The following MKLN1 variants were observed in gnomAD, a reference collection of about 807,000 sequenced individuals.
The protein encoded by MKLN1 is muskelin 1.
Under a neutral mutation model 99.0 loss-of-function variants are expected in MKLN1, and 18 were observed. That is an observed-to-expected ratio of 0.18 (90% CI 0.13 to 0.27). The LOEUF (loss-of-function observed/expected upper bound fraction) is 0.27. MKLN1 is among the 10% of genes least tolerant of loss of function. The probability of loss-of-function intolerance (pLI) is 1.00; values close to 1 mark genes in which losing one functional copy is unlikely to be tolerated. For synonymous variants in MKLN1, 288 were observed against 293.2 expected (o/e 0.98, Z 0.18); for missense variants, 621 against 875.9 (o/e 0.71, Z 3.67).
chr7:131,471,745 G>A (rs1384098712), intron 16 of MKLN1: 1 of 152,194 alleles, frequency 6.6e-6, no homozygotes, highest in Non-Finnish European at 1.5e-5. Flanking sequence ...CTCTTTCCGT[G>A]TTAGCTCCTG....
intron 12 of MKLN1, among the ~76,000 whole-genome samples, chr7:131,456,847 A>G (rs1209915588): frequency 6.6e-6 from 1 of 152,044 alleles, no homozygotes. Flanking sequence ...CCTCTCCAAT[A>G]TATCTTACCA....
rs1798704725 is a variant in MKLN1, at chr7:131,318,075, T to A, written c.-178-57349T>A. On this transcript the variant is annotated intron_variant, in intron 3 of 7. Transcript: ENST00000416992. ...ACAAGACAGAACATTAACAAAGATA[T>A]TCAGGACTTGTACTCAGCTCTGGAT... Among the ~76,000 whole-genome samples the A allele has an allele frequency of 2.0e-5, 3 of 152,140 alleles. 1 individual carries two copies. Among genetic ancestry groups the A allele is most frequent in the Non-Finnish European group, 4.4e-5 (3 of 68,022 alleles).
At chr7:131,444,758 AGAAGAAGT>A (rs1563351961) in intron 11 of MKLN1, among the ~76,000 whole-genome samples, 8 of 75,028 alleles carry the variant, frequency 1.1e-4, no homozygotes, top group South Asian at 4.8e-4. Context: ...TAGTAGTAGT[AGAAGAAGT>A]AGTAGTAGTA....
chr7:131,356,664 G>A (rs79607302), intron 1 of MKLN1, among the ~76,000 whole-genome samples: 3,012 of 152,246 alleles, frequency 0.02, 42 homozygotes, highest in Non-Finnish European at 0.031. Flanking sequence ...CCACTGATGG[G>A]CAGTCTAGAG....
chr7:131,450,044 A>G (rs1429869643), intron 12 of MKLN1, among the ~76,000 whole-genome samples: 1 of 152,146 alleles, frequency 6.6e-6, no homozygotes, highest in African/African-American at 2.4e-5. Context: ...TAGCCAGTTA[A>G]CATCAAGTCA....
chr7:131,238,076 G>A (rs1797350799), intron 3 of MKLN1, among the ~76,000 whole-genome samples: 2 of 152,056 alleles, frequency 1.3e-5, no homozygotes, highest in Non-Finnish European at 2.9e-5. Flanking sequence ...GAACCCAGGA[G>A]GCGGAGGTTG....
chr7:131,250,275 G>A (rs1444787390), intron 3 of MKLN1, among the ~76,000 whole-genome samples: 1 of 152,130 alleles, frequency 6.6e-6, no homozygotes, highest in African/African-American at 2.4e-5. Context: ...AGGCTGAAGC[G>A]GGAACCCAGG....
intron 1 of MKLN1, among the ~76,000 whole-genome samples, chr7:131,128,782 T>TA (rs1193785220): frequency 6.6e-6 from 1 of 151,556 alleles, no homozygotes; most frequent in Non-Finnish European, 1.5e-5. Flanking sequence ...TATTTTTTTT[T>TA]AGAGATGGGG....
chr7:131,265,587 T>C (rs886157840), intron 3 of MKLN1, among the ~76,000 whole-genome samples: 1 of 152,080 alleles, frequency 6.6e-6, no homozygotes, highest in Admixed American at 6.6e-5. Flanking sequence ...CTCAATAGAA[T>C]CAAAGGAGTG....
At chr7:131,345,927 A>G (rs781504459) in intron 1 of MKLN1, among the ~76,000 whole-genome samples, 2 of 152,230 alleles carry the variant, frequency 1.3e-5, no homozygotes, top group African/African-American at 2.4e-5. Context: ...ATTGATAATA[A>G]CATCCAGAAG....
intron 3 of MKLN1, among the ~76,000 whole-genome samples, chr7:131,294,015 C>T (rs938509749): frequency 2.6e-5 from 4 of 151,692 alleles, no homozygotes; most frequent in Admixed American, 1.3e-4. Context: ...ACCAGTAGCA[C>T]ACCCAGTCAT....
chr7:131,227,964 C>T (rs768225899), intron 3 of MKLN1, among the ~76,000 whole-genome samples: 3 of 152,218 alleles, frequency 2.0e-5, no homozygotes, highest in Non-Finnish European at 4.4e-5. Context: ...TTTATTCTGT[C>T]CCCCAGTAGG....
chr7:131,446,814 G>A lies in MKLN1; in HGVS notation c.1525+911G>A, dbSNP rs572963503. Among the ~76,000 whole-genome samples the A allele has an allele frequency of 2.6e-5, 4 of 152,308 alleles. No homozygotes were observed. In the South Asian group the frequency reaches 6.2e-4, roughly 24 times the overall value. On this transcript the variant is annotated intron_variant, in intron 12 of 17. Transcript: ENST00000352689. ...AGGCAAGGCACAGTCGCATATGCCTGTAATTCCAGCTAGTCCAGAGACGGA... is the reference window on the plus strand; with the variant it reads ...AGGCAAGGCACAGTCGCATATGCCTATAATTCCAGCTAGTCCAGAGACGGA...
At chr7:131,249,874 C>G (rs189450188) in intron 3 of MKLN1, among the ~76,000 whole-genome samples, 1 of 152,042 alleles carries the variant, frequency 6.6e-6, no homozygotes, top group Non-Finnish European at 1.5e-5. Flanking sequence ...TCCTCTTGCC[C>G]GTCATGCTGG....
chr7:131,172,505 CAG>C (rs200375407), intron 2 of MKLN1, among the ~76,000 whole-genome samples: 17,005 of 151,956 alleles, frequency 0.11, 1,118 homozygotes, highest in South Asian at 0.25. Flanking sequence ...TTAGTAGAGA[CAG>C]GGTTTCACCA....
intron 2 of MKLN1, among the ~76,000 whole-genome samples, chr7:131,152,011 T>C (rs1231697053): frequency 1.3e-5 from 2 of 152,152 alleles, no homozygotes; most frequent in Admixed American, 6.6e-5. Context: ...GTTCCAGATA[T>C]TATATTATTT....
intron 3 of MKLN1, among the ~76,000 whole-genome samples, chr7:131,258,928 G>T (rs1258356736): frequency 6.6e-6 from 1 of 151,960 alleles, no homozygotes; most frequent in Non-Finnish European, 1.5e-5. Context: ...CCTCTTTTTA[G>T]CTCCCAGAAA....
rs146236815 is a variant in MKLN1, at chr7:131,387,137, C to T, written c.186C>T (p.Leu62=). ...TTTTTTAGTACTTGATTCTAAAGCT[C>T]GAAAGGCCTGCTATAGTTCAGAATA... is the stretch of plus-strand genomic sequence containing the variant. ...NYPPQYLILK[L]ERPAIVQNIT... Residue 62 remains leucine, a synonymous_variant, in exon 3 of 18, where the codon CTC becomes CTT. Coordinates refer to ENST00000352689, the MANE Select transcript of MKLN1 (RefSeq NM_013255.5). The T allele has an allele frequency of 1.6e-4, 254 of 1,596,830 alleles. 2 individuals are homozygous for T. The South Asian group carries it at 2.2e-3, about 14-fold the overall frequency.
chr7:131,231,402 C>T (rs184725139), intron 3 of MKLN1, among the ~76,000 whole-genome samples: 3 of 152,174 alleles, frequency 2.0e-5, no homozygotes, highest in Admixed American at 1.3e-4. Flanking sequence ...GCTCCATCGT[C>T]TTGAACCTGT....
Sources: gnomAD v4.1 joint callset for allele counts (sites outside exome capture counted in the v4.1 genomes callset) on GRCh38, gnomAD v4.1.1 for gene constraint, MANE v1.5 for transcripts, NCBI Gene and HGNC (gene_info 2026-07-23, HGNC 2026-07-21) for gene names.